SEMA5A: variants seen among roughly 807,000 people sequenced by gnomAD.
SEMA5A encodes semaphorin-5A.
A neutral mutation model predicts 135.5 loss-of-function variants in SEMA5A; 55 were observed. The ratio of observed to expected loss-of-function variants is 0.41; its 90% CI spans 0.33 to 0.51. SEMA5A has a LOEUF of 0.51. Ranked by LOEUF, SEMA5A falls within the 20% of genes least tolerant of loss-of-function variation. SEMA5A has a pLI of 0.37. For missense variants in SEMA5A, 1,290 were observed against 1,419.9 expected, an observed-to-expected ratio of 0.91 and a Z score of 1.47; for synonymous variants, 580 against 546.5, an observed-to-expected ratio of 1.06 and a Z score of -0.85.
intron 3 of SEMA5A, among the ~76,000 whole-genome samples, chr5:9,341,478 C>T (rs1198124993): frequency 6.6e-6 from 1 of 151,716 alleles, no homozygotes; most frequent in Non-Finnish European, 1.5e-5. Context: ...AGTGAGGGAG[C>T]AGGAGGGGGT....
intron 16 of SEMA5A, among the ~76,000 whole-genome samples, chr5:9,086,772 C>A (rs1461150841): frequency 6.6e-6 from 1 of 152,136 alleles, no homozygotes; most frequent in Non-Finnish European, 1.5e-5. Context: ...ACCCAATAAT[C>A]CGTTTATGAA....
At chr5:9,129,580 AG>A (rs1412952532) in intron 13 of SEMA5A, among the ~76,000 whole-genome samples, 1 of 152,242 alleles carries the variant, frequency 6.6e-6, no homozygotes, top group Non-Finnish European at 1.5e-5. Context: ...TCATATGAAT[AG>A]GTATTTTTAT....
At chr5:9,383,991 A>G (rs940887011) in intron 2 of SEMA5A, among the ~76,000 whole-genome samples, 1 of 152,214 alleles carries the variant, frequency 6.6e-6, no homozygotes, top group Non-Finnish European at 1.5e-5. Context: ...AGCTGAAATG[A>G]CATGTTTGTC....
At chr5:9,481,023 G>A (rs1759857291) in intron 1 of SEMA5A, among the ~76,000 whole-genome samples, 1 of 152,022 alleles carries the variant, frequency 6.6e-6, no homozygotes, top group African/African-American at 2.4e-5. Context: ...TTGGCTCACT[G>A]CAACCTCTGC....
chr5:9,328,044 C>A (rs1173051124), intron 4 of SEMA5A, among the ~76,000 whole-genome samples: 1 of 152,182 alleles, frequency 6.6e-6, no homozygotes, highest in Non-Finnish European at 1.5e-5. Context: ...AATCTGAGAT[C>A]TTTTTTCTCA....
At chr5:9,415,840 T>C (rs758405972) in intron 2 of SEMA5A, among the ~76,000 whole-genome samples, 18 of 152,240 alleles carry the variant, frequency 1.2e-4, no homozygotes, top group Non-Finnish European at 2.2e-4. Flanking sequence ...GTGCTAGAGC[T>C]GGCATCAGAT....
chr5:9,332,091 G>A, intron 4 of SEMA5A, among the ~76,000 whole-genome samples: 1 of 151,536 alleles, frequency 6.6e-6, no homozygotes, highest in East Asian at 1.9e-4. Context: ...ACTCACATCG[G>A]GTCAGAAGTA....
At chr5:9,317,820 C>G (rs1752456042) in intron 5 of SEMA5A, among the ~76,000 whole-genome samples, 1 of 152,166 alleles carries the variant, frequency 6.6e-6, no homozygotes, top group Non-Finnish European at 1.5e-5. Flanking sequence ...TGACTCAGAT[C>G]TGCTACTAAA....
chr5:9,291,720 C>G (rs990988935), intron 5 of SEMA5A, among the ~76,000 whole-genome samples: 6 of 150,942 alleles, frequency 4.0e-5, no homozygotes, highest in African/African-American at 1.5e-4. Context: ...GCAGCCTCAT[C>G]TGATGCCAAC....
intron 5 of SEMA5A, among the ~76,000 whole-genome samples, chr5:9,277,400 A>G (rs192458449): frequency 6.6e-6 from 1 of 152,342 alleles, no homozygotes; most frequent in East Asian, 1.9e-4. Context: ...GGTGGAGGAC[A>G]GTGTGGCAAT....
intron 16 of SEMA5A, among the ~76,000 whole-genome samples, chr5:9,105,895 C>G (rs1415323267): frequency 6.6e-6 from 1 of 152,204 alleles, no homozygotes; most frequent in Admixed American, 6.5e-5. Context: ...AGCTAGGTAA[C>G]TATCATTTTT....
chr5:9,291,215 C>A (rs535208540), intron 5 of SEMA5A, among the ~76,000 whole-genome samples: 44 of 152,282 alleles, frequency 2.9e-4, no homozygotes, highest in African/African-American at 1.0e-3. Context: ...AGTGGAGTCA[C>A]AAAACCCAGA....
intron 1 of SEMA5A, among the ~76,000 whole-genome samples, chr5:9,515,857 C>T (rs1736482154): frequency 6.6e-6 from 1 of 152,152 alleles, no homozygotes; most frequent in African/African-American, 2.4e-5. Flanking sequence ...ACTGTGTTCC[C>T]TAGTCAAGGT....
At chr5:9,205,469 T>G (rs1730839867) in intron 8 of SEMA5A, among the ~76,000 whole-genome samples, 1 of 151,912 alleles carries the variant, frequency 6.6e-6, no homozygotes, top group Non-Finnish European at 1.5e-5. Flanking sequence ...TTTCACGAGG[T>G]CATTCTGTAC....
chr5:9,356,523 T>A (rs1754454905), intron 3 of SEMA5A, among the ~76,000 whole-genome samples: 5 of 152,110 alleles, frequency 3.3e-5, no homozygotes, highest in Admixed American at 3.3e-4. Flanking sequence ...TAGAAGAAAG[T>A]GCAAGCGGAA....
chr5:9,238,468 C>T (rs1656469710), intron 5 of SEMA5A, among the ~76,000 whole-genome samples: 1 of 152,124 alleles, frequency 6.6e-6, no homozygotes, highest in African/African-American at 2.4e-5. Flanking sequence ...ATTATTAGCT[C>T]TGACTAAATG....
chr5:9,456,792 T>C (rs896593270), intron 1 of SEMA5A, among the ~76,000 whole-genome samples: 12 of 152,192 alleles, frequency 7.9e-5, no homozygotes, highest in Admixed American at 7.8e-4. Context: ...TCAGCAGACA[T>C]CATTTTAAAG....
chr5:9,318,525 A>G, intron 4 of SEMA5A, 108 bp from the exon 5 acceptor site: 2 of 886,244 alleles, frequency 2.3e-6, no homozygotes, highest in Non-Finnish European at 3.5e-6. Flanking sequence ...CTTCAAAAGC[A>G]TCTTCTTTCT....
intron 8 of SEMA5A, among the ~76,000 whole-genome samples, chr5:9,208,846 G>A (rs1240878860): frequency 2.0e-5 from 3 of 152,154 alleles, no homozygotes; most frequent in Non-Finnish European, 4.4e-5. Flanking sequence ...GGGGTAGGAA[G>A]TTGGAGCCAA....
Sources: gnomAD v4.1 joint callset for allele counts (sites outside exome capture counted in the v4.1 genomes callset) on GRCh38, gnomAD v4.1.1 for gene constraint, MANE v1.5 for transcripts, NCBI Gene and HGNC (gene_info 2026-07-23, HGNC 2026-07-21) for gene names.